The following CNTNAP2 variants were observed in gnomAD, a reference collection of about 807,000 sequenced individuals.
CNTNAP2 encodes contactin-associated protein-like 2.
Under a neutral mutation model 155.2 loss-of-function variants are expected in CNTNAP2, and 98 were observed. The ratio of observed to expected loss-of-function variants is 0.63; its 90% CI spans 0.54 to 0.75. The LOEUF is 0.75. Ranked by LOEUF, CNTNAP2 falls within the 30% of genes least tolerant of loss-of-function variation. The pLI, the probability that CNTNAP2 is intolerant of heterozygous loss-of-function variation, is 0.00. For synonymous variants in CNTNAP2, 651 were observed against 631.2 expected (o/e 1.03, Z -0.47); for missense variants, 1,727 against 1,688.1 (o/e 1.02, Z -0.40).
At chr7:147,477,098 C>T (rs1014525903) in intron 10 of CNTNAP2, among the ~76,000 whole-genome samples, 5 of 151,962 alleles carry the variant, frequency 3.3e-5, no homozygotes, top group South Asian at 4.1e-4. Flanking sequence ...TTTTTGTTAT[C>T]GTCATCTTTT....
chr7:146,256,456 C>T (rs548815419), intron 1 of CNTNAP2, among the ~76,000 whole-genome samples: 16 of 151,932 alleles, frequency 1.1e-4, no homozygotes, highest in African/African-American at 3.4e-4. Flanking sequence ...GTTATTGATA[C>T]ATGTAACAAA....
chr7:146,698,063 G>A (rs74345861), intron 1 of CNTNAP2, among the ~76,000 whole-genome samples: 6,723 of 152,054 alleles, frequency 0.044, 193 homozygotes, highest in African/African-American at 0.083. Flanking sequence ...CTTCACAGGC[G>A]TCACAGGTAC....
chr7:146,566,585 T>A (rs919684447), intron 1 of CNTNAP2, among the ~76,000 whole-genome samples: 1 of 151,934 alleles, frequency 6.6e-6, no homozygotes, highest in African/African-American at 2.4e-5. Flanking sequence ...TAGTCCCAGC[T>A]ACTGGGGAGG....
chr7:147,474,471 T>C (rs751221509), intron 10 of CNTNAP2, among the ~76,000 whole-genome samples: 1 of 151,988 alleles, frequency 6.6e-6, no homozygotes, highest in Non-Finnish European at 1.5e-5. Context: ...TAATCCCAGC[T>C]ACTCAGGAGG....
At chr7:147,401,732 C>A (rs1162072169) in intron 10 of CNTNAP2, among the ~76,000 whole-genome samples, 1 of 152,086 alleles carries the variant, frequency 6.6e-6, no homozygotes, top group Non-Finnish European at 1.5e-5. Context: ...CTCATGAGAT[C>A]TGATAGTTTA....
intron 15 of CNTNAP2, among the ~76,000 whole-genome samples, chr7:148,025,566 G>T (rs897098597): frequency 1.3e-5 from 2 of 152,176 alleles, no homozygotes; most frequent in African/African-American, 4.8e-5. Context: ...TTTCTGAGCA[G>T]CAGGCAAGAT....
Position 148,194,320 on chromosome 7 carries a change from C to T in CNTNAP2, c.3010+21842C>T, listed in dbSNP as rs142393533. Among the ~76,000 whole-genome samples, 555 of 151,984 alleles carry T rather than the reference C, an allele frequency of 3.7e-3. 4 individuals are homozygous for T. Among genetic ancestry groups the T allele is most frequent in the African/African-American group, 0.012 (516 of 41,414 alleles). On this transcript the variant is annotated intron_variant, in intron 18 of 23. Coordinates refer to ENST00000361727, the MANE Select transcript of CNTNAP2 (RefSeq NM_014141.6). The stretch of plus-strand genomic sequence containing the variant: ...CCTCTTTCAAGTACCTTTAAAGACT[C>T]CTCCAGCCTTGAGTGATCTACCCTA...
rs559292680 is a variant in CNTNAP2, at chr7:148,136,413, C to T, written c.2555-11078C>T. On this transcript the variant is annotated intron_variant, in intron 16 of 23. Transcript: ENST00000361727. ...CTTGGCACCTCCTCCTCCTCTCTCT[C>T]GCTTCCTCTCTTGCCATGTGATGTG... Among the ~76,000 whole-genome samples, 4 of 152,210 alleles carry T rather than the reference C, an allele frequency of 2.6e-5. No homozygotes were observed. The South Asian group carries it at 6.2e-4, about 24-fold the overall frequency.
intron 3 of CNTNAP2, among the ~76,000 whole-genome samples, chr7:146,881,644 A>T (rs1795552657): frequency 6.6e-6 from 1 of 152,030 alleles, no homozygotes; most frequent in Non-Finnish European, 1.5e-5. Context: ...CAATAAATGG[A>T]AAATATGGAT....
chr7:147,162,362 AT>A (rs869184351), intron 8 of CNTNAP2, among the ~76,000 whole-genome samples: 15 of 152,162 alleles, frequency 9.9e-5, no homozygotes, highest in South Asian at 8.3e-4. Context: ...ACAGTACAAA[AT>A]TAAAAAAAGA....
At chr7:147,662,765 G>A (rs56211187) in intron 13 of CNTNAP2, among the ~76,000 whole-genome samples, 7,630 of 152,208 alleles carry the variant, frequency 0.05, 635 homozygotes, top group African/African-American at 0.17. Flanking sequence ...AAATTTCAGT[G>A]ACATCTCTAC....
chr7:146,157,282 G>A (rs1213904313), intron 1 of CNTNAP2, among the ~76,000 whole-genome samples: 1 of 152,062 alleles, frequency 6.6e-6, no homozygotes, highest in Non-Finnish European at 1.5e-5. Context: ...GCAGAAGGAG[G>A]TTCCAAGATG....
intron 1 of CNTNAP2, among the ~76,000 whole-genome samples, chr7:146,478,052 A>C (rs2129127945): frequency 6.6e-6 from 1 of 152,278 alleles, no homozygotes; most frequent in Non-Finnish European, 1.5e-5. Flanking sequence ...TTTGGGGTTT[A>C]GTTAGGAAAG....
rs33992262 is a variant in CNTNAP2, at chr7:147,079,999, CTT to C, written c.551-28131_551-28130del. Among the ~76,000 whole-genome samples the C allele has an allele frequency of 4.9e-3, 556 of 112,840 alleles. 1 individual carries two copies. Among genetic ancestry groups the C allele is most frequent in the African/African-American group, 6.4e-3 (195 of 30,560 alleles). The allele number at this position is 112,840 out of a possible 152,430, so 74.0% of individuals were successfully genotyped here. Reference sequence around the variant, plus strand: ...TAGAACCAGAATTCAAAGCCTAGTCCTTTTTTTTTTTTTTTTTTGCATAGCCA... The same window carrying C: ...TAGAACCAGAATTCAAAGCCTAGTCCTTTTTTTTTTTTTTTTGCATAGCCA... On this transcript the variant is annotated intron_variant, in intron 4 of 23. Transcript: ENST00000361727.
intron 20 of CNTNAP2, among the ~76,000 whole-genome samples, chr7:148,264,239 ATCG>A (rs1411708402): frequency 6.6e-6 from 1 of 152,238 alleles, no homozygotes; most frequent in Non-Finnish European, 1.5e-5. Context: ...TTCATAATAT[ATCG>A]TCAAGTTAAA....
chr7:147,139,519 T>C (rs1433813222), intron 8 of CNTNAP2, among the ~76,000 whole-genome samples: 1 of 152,074 alleles, frequency 6.6e-6, no homozygotes, highest in African/African-American at 2.4e-5. Context: ...CTCCCCCCAT[T>C]AACCTCATGT....
At chr7:146,949,520 CT>C (rs963002803) in intron 3 of CNTNAP2, among the ~76,000 whole-genome samples, 1 of 152,144 alleles carries the variant, frequency 6.6e-6, no homozygotes, top group African/African-American at 2.4e-5. Flanking sequence ...CATCACCATC[CT>C]TTTCAAAGCT....
chr7:148,395,373 T>C (rs1269052062), intron 22 of CNTNAP2, among the ~76,000 whole-genome samples: 2 of 152,056 alleles, frequency 1.3e-5, no homozygotes, highest in African/African-American at 4.8e-5. Context: ...CCAGCCATGC[T>C]CTCTTCTGAC....
chr7:146,453,840 A>C (rs952618010), intron 1 of CNTNAP2, among the ~76,000 whole-genome samples: 3 of 152,160 alleles, frequency 2.0e-5, no homozygotes, highest in Admixed American at 6.6e-5. Context: ...CAGCAACAGA[A>C]ACCATTCAAA....
Sources: allele counts gnomAD v4.1 joint callset (sites outside exome capture counted in the v4.1 genomes callset), GRCh38; gene constraint gnomAD v4.1.1; transcripts MANE v1.5; gene names NCBI Gene and HGNC (gene_info 2026-07-23, HGNC 2026-07-21).